Variants in CORO2A observed in about 807,000 individuals in gnomAD.
CORO2A encodes coronin-2A.
A neutral mutation model predicts 62.4 loss-of-function variants in CORO2A; 47 were observed. The observed-to-expected ratio is 0.75, with a 90% CI of 0.60 to 0.96. CORO2A has a LOEUF of 0.96. Among genes scored for constraint, CORO2A ranks in the 40% least tolerant of loss-of-function variants. CORO2A has a pLI of 0.00. For synonymous variants in CORO2A, 273 were observed against 268.9 expected (o/e 1.02, Z -0.15); for missense variants, 610 against 684.1 (o/e 0.89, Z 1.21).
At chr9:98,159,464 T>A (rs919743416) in intron 1 of CORO2A, among the ~76,000 whole-genome samples, 1 of 151,964 alleles carries the variant, frequency 6.6e-6, no homozygotes, top group Non-Finnish European at 1.5e-5. Flanking sequence ...AAGATTCTTT[T>A]CTTCTAGCTC....
Position 98,189,613 on chromosome 9 carries a change from A to ACCC in CORO2A, c.-1+2943_-1+2945dup, listed in dbSNP as rs949541633. Among the ~76,000 whole-genome samples, 10 of 152,190 alleles carry ACCC rather than the reference A, an allele frequency of 6.6e-5. 1 individual carries two copies. Among genetic ancestry groups the ACCC allele is most frequent in the African/African-American group, 2.4e-4 (10 of 41,510 alleles). ...AACAAATTCAGCAACTGCTGAGTCTACCCCCATTTCACAGATGGAGAAAGT... is the reference window on the plus strand; with the variant it reads ...AACAAATTCAGCAACTGCTGAGTCTACCCCCCCCATTTCACAGATGGAGAAAGT... On this transcript the variant is annotated intron_variant, in intron 1 of 11. Transcript: ENST00000375077.
chr9:98,131,561 C>CA (rs1752264374), intron 6 of CORO2A, among the ~76,000 whole-genome samples: 1 of 152,078 alleles, frequency 6.6e-6, no homozygotes, highest in South Asian at 2.1e-4. Flanking sequence ...TCAAGTGATC[C>CA]TCCCGCCATG....
intron 1 of CORO2A, among the ~76,000 whole-genome samples, chr9:98,180,224 C>A (rs764841971): frequency 6.6e-6 from 1 of 152,160 alleles, no homozygotes; most frequent in Admixed American, 6.5e-5. Flanking sequence ...CTACGTTCAT[C>A]GCATCCCATA....
At position 98,126,822 on chromosome 9, in the gene CORO2A, G is replaced by A. The variant is rs1271523692; in HGVS notation, c.1173C>T (p.Asp391=). 3.1e-6 allele frequency: 5 copies of A among 1,614,148 alleles called. No homozygotes were observed. The highest frequency in any genetic ancestry group is 3.4e-6 in the Non-Finnish European group (4 of 1,180,010). The change falls in exon 11 of 12, where the codon GAC becomes GAT. Residue 391 remains aspartate (D), a splice_region_variant and synonymous_variant. Transcript: ENST00000375077. ...AQEWLSGMNR[D]PILVSLRPGS... is the part of the protein sequence containing the mutation. Reference sequence around the variant, plus strand: ...CAGGCCTAAGGGACACCAGGATTGGGTCTGGAAGGGAAGCAGAGCCATGTG... The same window carrying A: ...CAGGCCTAAGGGACACCAGGATTGGATCTGGAAGGGAAGCAGAGCCATGTG...
At chr9:98,153,056 G>A (rs1015308517) in intron 2 of CORO2A, among the ~76,000 whole-genome samples, 1 of 152,140 alleles carries the variant, frequency 6.6e-6, no homozygotes, top group Non-Finnish European at 1.5e-5. Flanking sequence ...GATACAGACC[G>A]AAGTACAGTA....
chr9:98,139,257 A>G (rs1827534779), intron 2 of CORO2A, among the ~76,000 whole-genome samples: 1 of 152,014 alleles, frequency 6.6e-6, no homozygotes, highest in South Asian at 2.1e-4. Flanking sequence ...GAATATACTA[A>G]GATCCACTGA....
intron 4 of CORO2A, 25 bp downstream of exon 4, chr9:98,134,781 C>G (rs1215787717): frequency 1.9e-6 from 3 of 1,583,826 alleles, no homozygotes; most frequent in Non-Finnish European, 2.6e-6. Flanking sequence ...TGGGGCTGCC[C>G]CAGAGAAAGA....
chr9:98,126,525 G>A, intron 11 of CORO2A, 24 bp downstream of exon 11: 3 of 1,602,526 alleles, frequency 1.9e-6, no homozygotes, highest in Non-Finnish European at 2.6e-6. Context: ...CCATGTGAAA[G>A]GCCCACCCCG....
In CORO2A at chr9:98,160,248, A is replaced by T. The variant is rs562203758; in HGVS notation, c.1-2588T>A. On this transcript the variant is annotated intron_variant, in intron 1 of 11. Coordinates refer to ENST00000375077, the MANE Select transcript of CORO2A (RefSeq NM_052820.4). ...GAAAGGATTTAAGAAGACTCACAAA[A>T]ATAGAACACAAGATAGAAGGAAATG... Among the ~76,000 whole-genome samples, 13 of 152,338 alleles carry T rather than the reference A, an allele frequency of 8.5e-5. No individual in the cohort carries two copies. The South Asian group carries it at 2.7e-3, about 32-fold the overall frequency.
At chr9:98,157,375 A>C in intron 2 of CORO2A, 85 bp downstream of exon 2, 2 of 1,299,698 alleles carry the variant, frequency 1.5e-6, no homozygotes, top group Non-Finnish European at 2.2e-6. Flanking sequence ...CAGGGCTAGG[A>C]CTTTCTAGAA....
Position 98,157,676 on chromosome 9 carries a change from G to A in CORO2A, c.1-16C>T, listed in dbSNP as rs759931522. ...GCCATGACATCTGCAGGAGACAAAT[G>A]GGACAAAGGGTATGAGGCTCACTGC... On this transcript the variant is annotated splice_polypyrimidine_tract_variant and intron_variant, in intron 1 of 11. Coordinates refer to ENST00000375077, the MANE Select transcript of CORO2A (RefSeq NM_052820.4). The A allele has an allele frequency of 3.1e-6, 5 of 1,605,712 alleles. No individual in the cohort carries two copies. In the East Asian group the frequency reaches 8.9e-5, roughly 29 times the overall value.
At chr9:98,148,556 A>G (rs1446524899) in intron 2 of CORO2A, among the ~76,000 whole-genome samples, 2 of 152,040 alleles carry the variant, frequency 1.3e-5, no homozygotes, top group Non-Finnish European at 2.9e-5. Flanking sequence ...CCTGAGCAAC[A>G]TAGCAAAACC....
At chr9:98,128,298 G>T in intron 9 of CORO2A, 38 bp from the exon 10 acceptor site, 2 of 1,545,194 alleles carry the variant, frequency 1.3e-6, no homozygotes, top group Non-Finnish European at 1.8e-6. Context: ...GGGTGGTAGG[G>T]TAGGCTGCTC....
At chr9:98,184,543 G>T (rs1217949897) in intron 1 of CORO2A, among the ~76,000 whole-genome samples, 1 of 152,094 alleles carries the variant, frequency 6.6e-6, no homozygotes, top group Non-Finnish European at 1.5e-5. Flanking sequence ...AAACAGACTG[G>T]TTTCTTCATG....
chr9:98,128,614 G>C lies in CORO2A; in HGVS notation c.1073C>G (p.Pro358Arg), dbSNP rs754231931. 25 of 1,614,146 alleles carry C rather than the reference G, an allele frequency of 1.5e-5. No homozygotes were observed. The highest frequency in any genetic ancestry group is 1.9e-5 in the Non-Finnish European group (22 of 1,180,000). ...GGTCCCGACTGCCCTTACCCGCCGG[G>C]GCACAATCATGGAGATGGGCTCGAT... ...SLIEPISMIV[P>R]RRSESYQEDI... The change falls in exon 9 of 12, where the codon CCC becomes CGC. Residue 358 changes from proline to arginine, a missense_variant. Physicochemically the swap from Pro to Arg is moderately radical, Grantham distance 103 (BLOSUM62 -2). Coordinates refer to ENST00000375077, the MANE Select transcript of CORO2A (RefSeq NM_052820.4).
chr9:98,167,309 G>A (rs1349165174), intron 1 of CORO2A, among the ~76,000 whole-genome samples: 1 of 152,126 alleles, frequency 6.6e-6, no homozygotes, highest in Admixed American at 6.6e-5. Flanking sequence ...TGAGGGTAGG[G>A]AGGAATGAAA....
At chr9:98,148,394 CA>C (rs34087370) in intron 2 of CORO2A, among the ~76,000 whole-genome samples, 23,737 of 103,606 alleles carry the variant, frequency 0.23, 1,777 homozygotes, top group East Asian at 0.24. Context: ...GACTCCATCT[CA>C]AAAAAAAAAA....
At chr9:98,143,782 C>T (rs1827606288) in intron 2 of CORO2A, among the ~76,000 whole-genome samples, 1 of 152,174 alleles carries the variant, frequency 6.6e-6, no homozygotes, top group African/African-American at 2.4e-5. Flanking sequence ...CATGGGGACT[C>T]CCATCCTTTC....
At chr9:98,159,938 G>A (rs1035126803) in intron 1 of CORO2A, among the ~76,000 whole-genome samples, 4 of 152,140 alleles carry the variant, frequency 2.6e-5, no homozygotes, top group African/African-American at 4.8e-5. Context: ...CAGCCCACAC[G>A]GCTGACCCAT....
Sources: gnomAD v4.1 joint callset for allele counts (sites outside exome capture counted in the v4.1 genomes callset) on GRCh38, gnomAD v4.1.1 for gene constraint, MANE v1.5 for transcripts, NCBI Gene and HGNC (gene_info 2026-07-23, HGNC 2026-07-21) for gene names.